VAMP8: variants seen among roughly 807,000 people sequenced by gnomAD.
VAMP8 encodes the protein vesicle associated membrane protein 8, also known as vesicle-associated membrane protein 8.
A neutral mutation model predicts 11.4 loss-of-function variants in VAMP8; 9 were observed. That is an observed-to-expected ratio of 0.79 (90% CI 0.48 to 1.38). VAMP8 has a LOEUF of 1.38. VAMP8 is among the 40% of genes most tolerant of loss of function. The probability of loss-of-function intolerance (pLI) is 0.00; values close to 1 mark genes in which losing one functional copy is unlikely to be tolerated. For missense variants in VAMP8, 108 were observed against 127.8 expected (o/e 0.85, Z 0.75); for synonymous variants, 42 against 44.7 (o/e 0.94, Z 0.24).
intron 1 of VAMP8, among the ~76,000 whole-genome samples, chr2:85,578,572 A>G (rs1383596053): frequency 1.3e-5 from 2 of 152,192 alleles, no homozygotes; most frequent in African/African-American, 2.4e-5. Context: ...TCTGCTGGCC[A>G]GCACAGACAC....
Position 85,581,455 on chromosome 2 carries a change from G to A in VAMP8, c.163-121G>A, listed in dbSNP as rs530711145. ...AGATCGAGCCACTGCCTGAGTGACA[G>A]AGCGAGACTCCATCTCAAAAAAAAA... On this transcript the variant is annotated intron_variant, in intron 2 of 2. Transcript: ENST00000263864. 1.8e-4 allele frequency: 230 copies of A among 1,265,698 alleles called. 1 individual carries two copies. The African/African-American group carries it at 3.3e-3, about 18-fold the overall frequency. 78.4% of individuals were successfully genotyped at this position (1,265,698 alleles called of 1,614,324 possible).
Position 85,578,844 on chromosome 2 carries a change from AT to A in VAMP8, c.4-160del, listed in dbSNP as rs1417872087. Among the ~76,000 whole-genome samples the A allele has an allele frequency of 3.9e-5, 6 of 152,168 alleles. No individual in the cohort carries two copies. In the East Asian group the frequency reaches 1.2e-3, roughly 29 times the overall value. Reference sequence around the variant, plus strand: ...CCTTCTGGGGCTTACAAATGCATTTATTTTTGATTACAGAAGTAATACATGA... The same window carrying A: ...CCTTCTGGGGCTTACAAATGCATTTATTTTGATTACAGAAGTAATACATGA... On this transcript the variant is annotated intron_variant, in intron 1 of 2. Coordinates refer to ENST00000263864, the MANE Select transcript of VAMP8 (RefSeq NM_003761.5).
In VAMP8 at chr2:85,581,434, C is replaced by G. The variant is rs1435173028; in HGVS notation, c.163-142C>G. Reference sequence around the variant, plus strand: ...GGTGGAGGCAGCAGTGAGCCAAGATCGAGCCACTGCCTGAGTGACAGAGCG... The same window carrying G: ...GGTGGAGGCAGCAGTGAGCCAAGATGGAGCCACTGCCTGAGTGACAGAGCG... On this transcript the variant is annotated intron_variant, in intron 2 of 2. Transcript: ENST00000263864. The G allele has an allele frequency of 6.8e-6, 7 of 1,032,228 alleles. 1 individual carries two copies. In the South Asian group the frequency reaches 1.2e-4, roughly 17 times the overall value. 63.9% of individuals were successfully genotyped at this position (1,032,228 alleles called of 1,614,324 possible). A position where few individuals can be genotyped will look rare whatever the true frequency, so the allele number is the denominator to read the frequency against.
At chr2:85,581,513 T>G in intron 2 of VAMP8, 63 bp from the exon 3 acceptor site, 1 of 1,589,132 alleles carries the variant, frequency 6.3e-7, no homozygotes, top group South Asian at 1.1e-5. Flanking sequence ...GCACTTGTAC[T>G]CTTATAATCT....
At chr2:85,578,179 GAT>G (rs1672313407) in intron 1 of VAMP8, among the ~76,000 whole-genome samples, 1 of 152,236 alleles carries the variant, frequency 6.6e-6, no homozygotes, top group Non-Finnish European at 1.5e-5. Context: ...GGTTCTCTGT[GAT>G]AATGTAGTTC....
intron 1 of VAMP8, among the ~76,000 whole-genome samples, chr2:85,578,794 C>A (rs772314461): frequency 3.3e-5 from 5 of 152,192 alleles, no homozygotes; most frequent in Non-Finnish European, 7.3e-5. Context: ...GAAGTTTGAT[C>A]TAGTCTGTTC....
intron 2 of VAMP8, chr2:85,579,886 T>G: frequency 1.2e-5 from 18 of 1,550,120 alleles, no homozygotes; most frequent in Non-Finnish European, 1.6e-5. Context: ...TATTGCTCCC[T>G]TGTCTCCCTG....
intron 2 of VAMP8, 29 bp from the exon 3 acceptor site, chr2:85,581,547 G>C (rs767520137): frequency 6.2e-7 from 1 of 1,613,224 alleles, no homozygotes; most frequent in Non-Finnish European, 8.5e-7. Context: ...GGAGCCACTG[G>C]GTCACTCACT....
At chr2:85,580,850 G>T (rs1364260786) in intron 2 of VAMP8, among the ~76,000 whole-genome samples, 3 of 151,454 alleles carry the variant, frequency 2.0e-5, no homozygotes, top group African/African-American at 7.3e-5. Flanking sequence ...TGTATTTTTA[G>T]TAGAGAGGGG....
In VAMP8 at chr2:85,581,638, G is replaced by C. The variant is rs752832505; in HGVS notation, c.225G>C (p.Lys75Asn). 18 of 1,614,070 alleles carry C rather than the reference G, an allele frequency of 1.1e-5. No individual in the cohort carries two copies. Among genetic ancestry groups the C allele is most frequent in the Non-Finnish European group, 1.4e-5 (17 of 1,180,050 alleles). Residue 75 changes from lysine (K) to asparagine (N), a missense_variant, in exon 3 of 3, where the codon AAG becomes AAC. Lys to Asn is a moderately conservative substitution (Grantham distance 94). Transcript: ENST00000263864. Reference sequence around the variant, plus strand: ...GAAAATTCTGGTGGAAGAACGTGAAGATGATTGTCCTTATCTGCGTGATTG... The same window carrying C: ...GAAAATTCTGGTGGAAGAACGTGAACATGATTGTCCTTATCTGCGTGATTG... Reference protein sequence around the residue: ...VARKFWWKNVKMIVLICVIVF... With the variant: ...VARKFWWKNVNMIVLICVIVF...
chr2:85,579,732 C>T, intron 2 of VAMP8: 2 of 1,550,598 alleles, frequency 1.3e-6, no homozygotes, highest in East Asian at 2.4e-5. Context: ...TCATTCTTCT[C>T]TCTCTCCAGC....
rs771333013 is a variant in VAMP8, at chr2:85,579,139, G to T, written c.134G>T (p.Arg45Leu). Residue 45 changes from arginine (R) to leucine (L), a missense_variant, in exon 2 of 3, where the codon CGC becomes CTC. Transcript: ENST00000263864. The part of the protein sequence containing the change: ...LARGENLEHL[R>L]NKTEDLEATS... ...CGGGGGGAAAACTTGGAACATCTCC[G>T]CAACAAGACAGAGGATCTGGAAGCC... The T allele has an allele frequency of 6.2e-6, 10 of 1,605,264 alleles. No individual in the cohort carries two copies. The highest frequency in any genetic ancestry group is 7.7e-6 in the Non-Finnish European group (9 of 1,174,510).
intron 2 of VAMP8, 91 bp from the exon 3 acceptor site, chr2:85,581,485 A>C: frequency 6.7e-7 from 1 of 1,492,918 alleles, no homozygotes; most frequent in Non-Finnish European, 8.9e-7. Flanking sequence ...AAAAAAAAAA[A>C]AGTATGGCCT....
In VAMP8 at chr2:85,579,903, A is replaced by G; in HGVS notation, c.162+736A>G. 3 of 1,540,024 alleles carry G rather than the reference A, an allele frequency of 1.9e-6. 1 individual carries two copies. The highest frequency in any genetic ancestry group is 2.6e-6 in the Non-Finnish European group (3 of 1,142,720). On this transcript the variant is annotated intron_variant, in intron 2 of 2. Transcript: ENST00000263864. ...TTGCTCCCTTGTCTCCCTGGGGCTC[A>G]TTGCCTGTTTCTGTAGCTTAATTGT...
At position 85,581,616 on chromosome 2, in the gene VAMP8, A is replaced by G; in HGVS notation, c.203A>G (p.Lys68Arg). ...FKTTSQKVAR[K>R]FWWKNVKMIV... Reference sequence around the variant, plus strand: ...ACGACATCGCAGAAGGTGGCTCGAAAATTCTGGTGGAAGAACGTGAAGATG... The same window carrying G: ...ACGACATCGCAGAAGGTGGCTCGAAGATTCTGGTGGAAGAACGTGAAGATG... The change falls in exon 3 of 3, where the codon AAA (lysine) becomes AGA (arginine). Residue 68 changes from lysine (K) to arginine (R), a missense_variant. Physicochemically the swap from Lys to Arg is conservative, Grantham distance 26. Coordinates refer to ENST00000263864, the MANE Select transcript of VAMP8 (RefSeq NM_003761.5). 6.2e-7 allele frequency: 1 copy of G among 1,614,156 alleles called. No individual in the cohort carries two copies. The highest frequency in any genetic ancestry group is 1.3e-5 in the African/African-American group (1 of 75,022).
chr2:85,581,374 G>A (rs924780636), intron 2 of VAMP8, among the ~76,000 whole-genome samples: 3 of 152,018 alleles, frequency 2.0e-5, no homozygotes, highest in African/African-American at 7.2e-5. Flanking sequence ...CAGCTACTCA[G>A]TAGGCTGAGG....
intron 1 of VAMP8, among the ~76,000 whole-genome samples, chr2:85,578,406 G>A (rs1047112292): frequency 2.0e-5 from 3 of 152,176 alleles, no homozygotes; most frequent in Admixed American, 6.5e-5. Flanking sequence ...GTCGCCCAGT[G>A]GTGGGGAAAG....
At chr2:85,577,758 G>T in intron 1 of VAMP8, 109 bp downstream of exon 1, 1 of 1,464,046 alleles carries the variant, frequency 6.8e-7, no homozygotes, top group Non-Finnish European at 9.4e-7. Context: ...AAAGTTAGAG[G>T]GCTGGGCCAG....
At chr2:85,581,471 CAAA>C (rs11326680) in intron 2 of VAMP8, 102 bp from the exon 3 acceptor site, 2,439 of 1,244,874 alleles carry the variant, frequency 2.0e-3, no homozygotes, top group South Asian at 3.0e-3. Context: ...GACTCCATCT[CAAA>C]AAAAAAAAAA....
Sources: gnomAD v4.1 joint callset for allele counts (sites outside exome capture counted in the v4.1 genomes callset) on GRCh38, gnomAD v4.1.1 for gene constraint, MANE v1.5 for transcripts, NCBI Gene and HGNC (gene_info 2026-07-23, HGNC 2026-07-21) for gene names.